Variants in ENPP5 observed in about 807,000 individuals in gnomAD.
ENPP5 encodes the protein E-NPP 5.
In ENPP5, 27 loss-of-function variants were observed where a neutral mutation model predicts 33.7. The ratio of observed to expected loss-of-function variants is 0.80; its 90% CI spans 0.59 to 1.11. The LOEUF (loss-of-function observed/expected upper bound fraction) is 1.11. ENPP5 is among the 50% of genes least tolerant of loss of function. ENPP5 has a pLI of 0.00. For missense variants in ENPP5, 552 were observed against 579.2 expected (o/e 0.95, Z 0.48); for synonymous variants, 199 against 200.5 (o/e 0.99, Z 0.06).
chr6:46,161,008 C>T lies in ENPP5; in HGVS notation c.*318G>A, dbSNP rs1047153. On this transcript the variant is annotated 3_prime_UTR_variant, in exon 5 of 5. Coordinates refer to ENST00000371383, the MANE Select transcript of ENPP5 (RefSeq NM_001290072.2). ...CAGGAGAGAAATTTAAAGTGCAATA[C>T]ATAAGGTACTTTACATAGTGCAAAG... is the stretch of plus-strand genomic sequence containing the variant. 0.61 allele frequency: 157,821 copies of T among 256,852 alleles called. 49,597 individuals are homozygous for T. Among genetic ancestry groups the T allele is most frequent in the Middle Eastern group, 0.81 (632 of 780 alleles). 15.9% of individuals were successfully genotyped at this position (256,852 alleles called of 1,614,324 possible).
intron 1 of ENPP5, among the ~76,000 whole-genome samples, chr6:46,170,495 T>A (rs758988239): frequency 1.3e-5 from 2 of 151,910 alleles, no homozygotes. Flanking sequence ...CCTCCAACCC[T>A]TCCTCCACAA....
At position 46,168,133 on chromosome 6, in the gene ENPP5, A is replaced by G. The variant is rs775915886; in HGVS notation, c.130T>C (p.Tyr44His). The change falls in exon 3 of 5, where the codon TAT becomes CAT. Residue 44 changes from tyrosine to histidine, a missense_variant. Transcript: ENST00000371383. ...TGAAAATGGGGCGTTGGAACTTTAT[A>G]TAAGTAATCCCAACGGAATCCATCA... The part of the protein sequence containing the change: ...SFDGFRWDYL[Y>H]KVPTPHFHYI... 22 of 1,613,824 alleles carry G rather than the reference A, an allele frequency of 1.4e-5. No individual in the cohort carries two copies. Among genetic ancestry groups the G allele is most frequent in the Non-Finnish European group, 1.8e-5 (21 of 1,179,710 alleles).
intron 4 of ENPP5, among the ~76,000 whole-genome samples, chr6:46,162,509 T>C (rs1764422470): frequency 6.6e-6 from 1 of 152,174 alleles, no homozygotes; most frequent in African/African-American, 2.4e-5. Flanking sequence ...GCAAAGGAGC[T>C]ACTGCTGATA....
At position 46,161,330 on chromosome 6, in the gene ENPP5, G is replaced by A. The variant is rs1764384321; in HGVS notation, c.1430C>T (p.Ala477Val). ...HAEIAQPLLQ[A>V] ...CAAATCCACTTCAAAGTAACATTAG[G>A]CTTGTAATAATGGTTGAGCTATTTC... is the stretch of plus-strand genomic sequence containing the variant. Residue 477 changes from alanine (A) to valine (V), a missense_variant, in exon 5 of 5, where the codon GCC becomes GTC. Coordinates refer to ENST00000371383, the MANE Select transcript of ENPP5 (RefSeq NM_001290072.2). The A allele has an allele frequency of 3.1e-6, 5 of 1,608,164 alleles. No homozygotes were observed. The highest frequency in any genetic ancestry group is 4.3e-6 in the Non-Finnish European group (5 of 1,176,400).
At chr6:46,166,853 A>G (rs1271823836) in intron 3 of ENPP5, among the ~76,000 whole-genome samples, 2 of 152,210 alleles carry the variant, frequency 1.3e-5, no homozygotes, top group Non-Finnish European at 2.9e-5. Context: ...TTTTGAGGTC[A>G]CTTACCTGTC....
In ENPP5 at chr6:46,167,657, C is replaced by T. The variant is rs759446762; in HGVS notation, c.606G>A (p.Pro202=). ...TATCTGAAATGACAGGCCCCATGAG[C>T]GGACTGTCAGGTCCCAAATGGTGGC... ...DMGHHLGPDS[P]LMGPVISDID... Residue 202 remains proline (P), a synonymous_variant, in exon 3 of 5, where the codon CCG becomes CCA. Transcript: ENST00000371383. 12 of 1,613,952 alleles carry T rather than the reference C, an allele frequency of 7.4e-6. No homozygotes were observed. The highest frequency in any genetic ancestry group is 2.7e-5 in the African/African-American group (2 of 74,912).
intron 3 of ENPP5, among the ~76,000 whole-genome samples, chr6:46,166,905 G>C (rs139603927): frequency 3.0e-4 from 45 of 152,286 alleles, no homozygotes; most frequent in African/African-American, 1.0e-3. Context: ...GAGGTGACAG[G>C]TTTGGTATAA....
chr6:46,167,256 T>A (rs565124902), intron 3 of ENPP5, among the ~76,000 whole-genome samples, 178 bp downstream of exon 3: 24 of 152,154 alleles, frequency 1.6e-4, no homozygotes, highest in African/African-American at 5.1e-4. Flanking sequence ...GAAAAAAAAA[T>A]TAGGCTTTGA....
At position 46,165,440 on chromosome 6, in the gene ENPP5, G is replaced by A. The variant is rs768916754; in HGVS notation, c.953C>T (p.Ala318Val). ...KYNSRIQPIIAVADEGWHILQ... is the reference protein window; with the variant it reads ...KYNSRIQPIIVVADEGWHILQ... ...AATGTGCCACCCTTCATCAGCCACT[G>A]CTATGATTGGTTGAATTCGACTGTT... Residue 318 changes from alanine (A) to valine (V), a missense_variant, in exon 4 of 5, where the codon GCA becomes GTA. Transcript: ENST00000371383. 6.2e-7 allele frequency: 1 copy of A among 1,607,444 alleles called. No homozygotes were observed. Among genetic ancestry groups the A allele is most frequent in the South Asian group, 1.1e-5 (1 of 89,394 alleles).
Position 46,167,831 on chromosome 6 carries a change from T to C in ENPP5, c.432A>G (p.Val144=), listed in dbSNP as rs766771758. 7 of 1,614,240 alleles carry C rather than the reference T, an allele frequency of 4.3e-6. No individual in the cohort carries two copies. In the East Asian group the frequency reaches 6.7e-5, roughly 15 times the overall value. ...SGAAMWPGTD[V]KIHKRFPTHY... ...GAGTAGGAAAGCGCTTATGTATTTT[T>C]ACATCTGTTCCGGGCCACATGGCTG... The change falls in exon 3 of 5, where the codon GTA becomes GTG. Residue 144 remains valine (V), a synonymous_variant. Coordinates refer to ENST00000371383, the MANE Select transcript of ENPP5 (RefSeq NM_001290072.2).
intron 4 of ENPP5, among the ~76,000 whole-genome samples, chr6:46,164,026 A>G (rs1764466124): frequency 6.6e-6 from 1 of 152,248 alleles, no homozygotes; most frequent in East Asian, 1.9e-4. Context: ...CATTCAGGAC[A>G]TAGGCATGGA....
rs1764722045 is a variant in ENPP5, at chr6:46,170,951, C to G, written c.-241G>C. 6.6e-6 allele frequency: 1 copy of G among 152,300 alleles called. No homozygotes were observed. The allele number at this position is 152,300 out of a possible 1,614,324, so 9.4% of individuals were successfully genotyped here. A position where few individuals can be genotyped will look rare whatever the true frequency, so the allele number is the denominator to read the frequency against. ...GAACGCGCAGGAGCTCACCTGCGCT[C>G]AACTCTGGAGCGGAGCACCTGACCG... On this transcript the variant is annotated 5_prime_UTR_variant, in exon 1 of 5. Coordinates refer to ENST00000371383, the MANE Select transcript of ENPP5 (RefSeq NM_001290072.2).
In ENPP5 at chr6:46,167,783, T is replaced by C. The variant is rs1331965027; in HGVS notation, c.480A>G (p.Ser160=). Residue 160 remains serine (S), a synonymous_variant, in exon 3 of 5, where the codon TCA becomes TCG. Transcript: ENST00000371383. ...FPTHYMPYNE[S]VSFEDRVAKI... ...TGGCAACTCTATCTTCAAATGAAAC[T>C]GACTCATTGTAAGGCATGTAATGAG... 3 of 1,614,058 alleles carry C rather than the reference T, an allele frequency of 1.9e-6. No homozygotes were observed. The highest frequency in any genetic ancestry group is 2.5e-6 in the Non-Finnish European group (3 of 1,179,944).
chr6:46,161,619 G>C lies in ENPP5; in HGVS notation c.1141C>G (p.Leu381Val), dbSNP rs1158519593. 4 of 1,614,042 alleles carry C rather than the reference G, an allele frequency of 2.5e-6. No individual in the cohort carries two copies. Among genetic ancestry groups the C allele is most frequent in the Non-Finnish European group, 3.4e-6 (4 of 1,179,912 alleles). The change falls in exon 5 of 5, where the codon CTC becomes GTC. Residue 381 changes from leucine to valine, a missense_variant. Transcript: ENST00000371383. ...TDLYPLLCHL[L>V]NITAMPHNGS... ...TTGTGTGGCATGGCGGTGATATTGAGGAGGTGGCATAGTAGTGGGTACAAA... is the reference window on the plus strand; with the variant it reads ...TTGTGTGGCATGGCGGTGATATTGACGAGGTGGCATAGTAGTGGGTACAAA...
In ENPP5 at chr6:46,170,606, G is replaced by T. The variant is rs192631448; in HGVS notation, c.-98+202C>A. ...AGCTCGGGTAGACGTCAAGGGCGGG[G>T]GTGTCCATCTTCTCCACCAGGATTC... On this transcript the variant is annotated intron_variant, in intron 1 of 4. Coordinates refer to ENST00000371383, the MANE Select transcript of ENPP5 (RefSeq NM_001290072.2). Among the ~76,000 whole-genome samples the T allele has an allele frequency of 4.6e-5, 7 of 151,854 alleles. No homozygotes were observed. In the East Asian group the frequency reaches 1.4e-3, roughly 30 times the overall value.
In ENPP5 at chr6:46,170,938, G is replaced by C. The variant is rs1581976340; in HGVS notation, c.-228C>G. 2.6e-5 allele frequency: 4 copies of C among 152,400 alleles called. No individual in the cohort carries two copies. Among genetic ancestry groups the C allele is most frequent in the Admixed American group, 2.0e-4 (3 of 15,306 alleles). The allele number at this position is 152,400 out of a possible 1,614,324, so 9.4% of individuals were successfully genotyped here. ...AGGAACGCCCCCGGAACGCGCAGGA[G>C]CTCACCTGCGCTCAACTCTGGAGCG... On this transcript the variant is annotated 5_prime_UTR_variant, in exon 1 of 5. Coordinates refer to ENST00000371383, the MANE Select transcript of ENPP5 (RefSeq NM_001290072.2).
At chr6:46,164,530 G>T (rs1388273485) in intron 4 of ENPP5, among the ~76,000 whole-genome samples, 1 of 152,106 alleles carries the variant, frequency 6.6e-6, no homozygotes, top group Non-Finnish European at 1.5e-5. Context: ...AAATAGAGGT[G>T]ACCAATCTAT....
chr6:46,165,343 C>A, intron 4 of ENPP5, 44 bp downstream of exon 4: 1 of 1,439,074 alleles, frequency 6.9e-7, no homozygotes, highest in South Asian at 1.5e-5. Flanking sequence ...TGTATTTTAG[C>A]AAAAAGTAAT....
intron 3 of ENPP5, among the ~76,000 whole-genome samples, chr6:46,165,901 G>A (rs1296250491): frequency 2.0e-5 from 3 of 151,258 alleles, no homozygotes; most frequent in East Asian, 2.0e-4. Context: ...GTGCAGACAC[G>A]AAGAATCTCC....
Sources: allele counts gnomAD v4.1 joint callset (sites outside exome capture counted in the v4.1 genomes callset), GRCh38; gene constraint gnomAD v4.1.1; transcripts MANE v1.5; gene names NCBI Gene and HGNC (gene_info 2026-07-23, HGNC 2026-07-21).